The following VWA8 variants were observed in gnomAD, a reference collection of about 807,000 sequenced individuals.
VWA8 encodes the protein von Willebrand factor A domain-containing protein 8.
A neutral mutation model predicts 241.5 loss-of-function variants in VWA8; 221 were observed. The ratio of observed to expected loss-of-function variants is 0.91; its 90% confidence interval spans 0.82 to 1.02. VWA8 has a LOEUF of 1.02. VWA8 is among the 50% of genes least tolerant of loss of function. The probability of loss-of-function intolerance (pLI) is 0.00; values close to 1 mark genes in which losing one functional copy is unlikely to be tolerated. For missense variants in VWA8, 2,322 were observed against 2,328.7 expected, an observed-to-expected ratio of 1.00 and a Z score of 0.06; for synonymous variants, 852 against 827.1, an observed-to-expected ratio of 1.03 and a Z score of -0.52.
intron 29 of VWA8, 101 bp downstream of exon 29, chr13:41,698,970 T>C: frequency 6.6e-7 from 1 of 1,526,604 alleles, no homozygotes. Context: ...GCTCCTCTCC[T>C]TGATCATCAT....
chr13:41,726,077 A>G (rs1009942424), intron 24 of VWA8, among the ~76,000 whole-genome samples: 2 of 152,118 alleles, frequency 1.3e-5, no homozygotes, highest in Non-Finnish European at 2.9e-5. Flanking sequence ...CGGGTAAACT[A>G]CTATACCCAC....
At position 41,879,603 on chromosome 13, in the gene VWA8, A is replaced by G. The variant is rs181067234; in HGVS notation, c.1080+3784T>C. On this transcript the variant is annotated intron_variant, in intron 9 of 44. Coordinates refer to ENST00000379310, the MANE Select transcript of VWA8 (RefSeq NM_015058.2). ...AGCTGTATATTAATTTTATCTTATT[A>G]TTATTATTGACATAACCAGTCAATG... Among the ~76,000 whole-genome samples, 46 of 151,914 alleles carry G rather than the reference A, an allele frequency of 3.0e-4. 2 individuals are homozygous for G. Among genetic ancestry groups the G allele is most frequent in the South Asian group, 1.5e-3 (7 of 4,808 alleles).
At chr13:41,829,414 TCATTATATGA>T (rs1436224227) in intron 14 of VWA8, among the ~76,000 whole-genome samples, 1 of 152,008 alleles carries the variant, frequency 6.6e-6, no homozygotes, top group Admixed American at 6.6e-5. Context: ...AAAAAAGATG[TCATTATATGA>T]AAAAGATACA....
chr13:41,677,084 T>C (rs2137804505), intron 35 of VWA8, among the ~76,000 whole-genome samples: 1 of 152,336 alleles, frequency 6.6e-6, no homozygotes, highest in South Asian at 2.1e-4. Flanking sequence ...ACTTTAGGAA[T>C]ATTTATCTTT....
chr13:41,690,325 T>C (rs768383365), intron 32 of VWA8, 50 bp from the exon 33 acceptor site: 7 of 1,499,056 alleles, frequency 4.7e-6, no homozygotes, highest in South Asian at 3.6e-5. Flanking sequence ...CTTTTTCTAA[T>C]AGTAATAAGG....
At chr13:41,749,398 C>G (rs1411359984) in intron 21 of VWA8, among the ~76,000 whole-genome samples, 2 of 152,216 alleles carry the variant, frequency 1.3e-5, no homozygotes, top group African/African-American at 4.8e-5. Context: ...ACACTTTACA[C>G]TGTTGGTGGG....
At chr13:41,609,758 T>A (rs1186466475) in intron 39 of VWA8, among the ~76,000 whole-genome samples, 1 of 152,146 alleles carries the variant, frequency 6.6e-6, no homozygotes, top group Non-Finnish European at 1.5e-5. Flanking sequence ...CTCACACGCT[T>A]GGCCAACTCC....
chr13:41,671,858 A>G (rs1025816786), intron 36 of VWA8, among the ~76,000 whole-genome samples: 1 of 152,182 alleles, frequency 6.6e-6, no homozygotes, highest in Non-Finnish European at 1.5e-5. Flanking sequence ...CTGAAAATAA[A>G]TATTTGTCAC....
At chr13:41,662,675 T>C (rs948657118) in intron 37 of VWA8, among the ~76,000 whole-genome samples, 1 of 152,010 alleles carries the variant, frequency 6.6e-6, no homozygotes, top group East Asian at 1.9e-4. Context: ...GCTCCTTTTC[T>C]TTTTTAAATT....
intron 42 of VWA8, among the ~76,000 whole-genome samples, chr13:41,585,362 C>T (rs1397815115): frequency 6.6e-6 from 1 of 152,190 alleles, no homozygotes; most frequent in Non-Finnish European, 1.5e-5. Flanking sequence ...ATCCTTTACC[C>T]AGTCCTGGGG....
chr13:41,930,351 T>C (rs1461321579), intron 2 of VWA8, among the ~76,000 whole-genome samples: 1 of 152,204 alleles, frequency 6.6e-6, no homozygotes, highest in Non-Finnish European at 1.5e-5. Flanking sequence ...ACTATATGAC[T>C]CAGCAATTCT....
intron 12 of VWA8, among the ~76,000 whole-genome samples, chr13:41,852,468 T>A (rs1032105629): frequency 6.6e-6 from 1 of 152,164 alleles, no homozygotes; most frequent in Non-Finnish European, 1.5e-5. Flanking sequence ...TCTGCATTTA[T>A]CTCATTTATC....
chr13:41,695,732 A>G (rs1362818112), intron 29 of VWA8, among the ~76,000 whole-genome samples: 1 of 152,174 alleles, frequency 6.6e-6, no homozygotes, highest in Non-Finnish European at 1.5e-5. Context: ...CTGTGGCCAA[A>G]GGGGTAAGTA....
chr13:41,633,211 T>C (rs1047905093), intron 37 of VWA8, among the ~76,000 whole-genome samples: 1 of 152,212 alleles, frequency 6.6e-6, no homozygotes, highest in African/African-American at 2.4e-5. Context: ...TAAATAGCAT[T>C]GCAATGAATC....
intron 2 of VWA8, 144 bp downstream of exon 2, chr13:41,949,792 G>A (rs1167639101): frequency 8.7e-6 from 4 of 457,572 alleles, no homozygotes; most frequent in Non-Finnish European, 1.5e-5. Flanking sequence ...GTTAAAAGAA[G>A]ATTGGCATAA....
In VWA8 at chr13:41,701,409, T is replaced by C; in HGVS notation, c.3347A>G (p.Asp1116Gly). Residue 1116 changes from aspartate (D) to glycine (G), a missense_variant, in exon 28 of 45, where the codon GAC becomes GGC. Transcript: ENST00000379310. ...AGACATACCATGTGATGTAGCAATG[T>C]CACAGATTATATTAATTTCATCCAA... is the stretch of plus-strand genomic sequence containing the variant. ...IPLDEINIIC[D>G]IATSHENEQN... The C allele has an allele frequency of 6.2e-7, 1 of 1,606,010 alleles. No homozygotes were observed. Among genetic ancestry groups the C allele is most frequent in the Non-Finnish European group, 8.5e-7 (1 of 1,177,316 alleles).
chr13:41,949,437 G>A (rs1174780624), intron 2 of VWA8, among the ~76,000 whole-genome samples: 1 of 139,712 alleles, frequency 7.2e-6, no homozygotes, highest in African/African-American at 2.5e-5. Context: ...AGAACACATG[G>A]ACACAGGGAG....
intron 17 of VWA8, among the ~76,000 whole-genome samples, chr13:41,787,771 A>G (rs1222887790): frequency 6.6e-6 from 1 of 152,142 alleles, no homozygotes; most frequent in Non-Finnish European, 1.5e-5. Flanking sequence ...TAATAAGTAA[A>G]ACTTATTTGT....
intron 18 of VWA8, 94 bp downstream of exon 18, chr13:41,787,343 T>G: frequency 2.9e-6 from 3 of 1,022,224 alleles, no homozygotes; most frequent in Non-Finnish European, 4.3e-6. Flanking sequence ...AAAAACTGTT[T>G]AACTGTTTAT....
Sources: gnomAD v4.1 joint callset for allele counts (sites outside exome capture counted in the v4.1 genomes callset) on GRCh38, gnomAD v4.1.1 for gene constraint, MANE v1.5 for transcripts, NCBI Gene and HGNC (gene_info 2026-07-23, HGNC 2026-07-21) for gene names.